The following ANP32A variants were observed in gnomAD, a reference collection of about 807,000 sequenced individuals.
ANP32A encodes the protein acidic leucine-rich nuclear phosphoprotein 32 family member A.
In ANP32A, 1 loss-of-function variant was observed where a neutral mutation model predicts 33.9. That is an observed-to-expected ratio of 0.03 (90% CI 0.01 to 0.14). The LOEUF is 0.14. Ranked by LOEUF, ANP32A falls within the 10% of genes least tolerant of loss-of-function variation. The pLI is 1.00. For missense variants in ANP32A, 155 were observed against 306.0 expected (o/e 0.51, Z 3.68); for synonymous variants, 115 against 120.5 (o/e 0.95, Z 0.30).
chr15:68,793,500 G>T (rs1407238674), intron 1 of ANP32A, among the ~76,000 whole-genome samples: 3 of 152,214 alleles, frequency 2.0e-5, no homozygotes, highest in Non-Finnish European at 4.4e-5. Context: ...AGACACGGAA[G>T]AAACAGTAAG....
At position 68,778,753 on chromosome 15, in the gene ANP32A, T is replaced by C. The variant is rs961962868; in HGVS notation, c.*1328A>G. On this transcript the variant is annotated 3_prime_UTR_variant, in exon 7 of 7. Coordinates refer to ENST00000465139, the MANE Select transcript of ANP32A (RefSeq NM_006305.4). The stretch of plus-strand genomic sequence containing the variant: ...GAGTCTTGCTTTAAGACCAAAAATA[T>C]CCAAACATAGTATCACATTATATAT... 16 of 152,060 alleles carry C rather than the reference T, an allele frequency of 1.1e-4. No individual in the cohort carries two copies. The highest frequency in any genetic ancestry group is 1.2e-4 in the Non-Finnish European group (8 of 68,018). 9.4% of individuals were successfully genotyped at this position (152,060 alleles called of 1,614,324 possible).
intron 4 of ANP32A, 165 bp downstream of exon 4, chr15:68,784,232 C>T (rs1893904807): frequency 1.9e-5 from 14 of 723,756 alleles, no homozygotes; most frequent in South Asian, 7.2e-5. Context: ...CAGCCCTACT[C>T]CCCTCCATAG....
rs1375938255 is a variant in ANP32A, at chr15:68,820,824, C to T, written c.-73G>A. On this transcript the variant is annotated 5_prime_UTR_variant, in exon 1 of 7. Transcript: ENST00000465139. Reference sequence around the variant, plus strand: ...TCAATAAACCCCGAACCCACGGCCGCGCGTTTTAGGACTTTGAAGGCTCAA... The same window carrying T: ...TCAATAAACCCCGAACCCACGGCCGTGCGTTTTAGGACTTTGAAGGCTCAA... 2 of 1,589,824 alleles carry T rather than the reference C, an allele frequency of 1.3e-6. No individual in the cohort carries two copies. The highest frequency in any genetic ancestry group is 2.7e-5 in the African/African-American group (2 of 74,418).
At chr15:68,807,340 G>C (rs950128856) in intron 1 of ANP32A, among the ~76,000 whole-genome samples, 1 of 146,016 alleles carries the variant, frequency 6.8e-6, no homozygotes, top group African/African-American at 2.4e-5. Flanking sequence ...GTGAGCCAGC[G>C]CGACAGCCCC....
chr15:68,811,248 T>C (rs1317001298), intron 1 of ANP32A, among the ~76,000 whole-genome samples: 1 of 150,416 alleles, frequency 6.6e-6, no homozygotes, highest in Non-Finnish European at 1.5e-5. Flanking sequence ...GGGAGAAGAG[T>C]GGGATGGGCA....
At chr15:68,793,121 A>G (rs538934688) in intron 1 of ANP32A, among the ~76,000 whole-genome samples, 1 of 152,256 alleles carries the variant, frequency 6.6e-6, no homozygotes, top group East Asian at 1.9e-4. Flanking sequence ...TCGTGTATTA[A>G]GCATCCGATC....
At chr15:68,784,650 G>A (rs1596063916) in intron 3 of ANP32A, 55 bp from the exon 4 acceptor site, 2 of 1,590,548 alleles carry the variant, frequency 1.3e-6, no homozygotes, top group East Asian at 4.5e-5. Flanking sequence ...GAAGGTGGAG[G>A]AACAGCCCTA....
At chr15:68,815,397 T>C (rs1159969632) in intron 1 of ANP32A, among the ~76,000 whole-genome samples, 1 of 151,140 alleles carries the variant, frequency 6.6e-6, no homozygotes. Context: ...GTTCAGAATA[T>C]ATTGAGTACA....
At chr15:68,797,473 T>C (rs1894078051) in intron 1 of ANP32A, among the ~76,000 whole-genome samples, 1 of 152,162 alleles carries the variant, frequency 6.6e-6, no homozygotes, top group Non-Finnish European at 1.5e-5. Flanking sequence ...TCAATCTTCC[T>C]AAAACGCTGC....
At chr15:68,809,350 T>C (rs914254284) in intron 1 of ANP32A, among the ~76,000 whole-genome samples, 5 of 152,236 alleles carry the variant, frequency 3.3e-5, no homozygotes, top group African/African-American at 1.2e-4. Flanking sequence ...GAGTGAACTT[T>C]AGTAACTGAA....
At position 68,782,980 on chromosome 15, in the gene ANP32A, C is replaced by T; in HGVS notation, c.600G>A (p.Glu200=). ...EDEDEEEEGE[E]EDVSGEEEED... ...CCTCCTCCTCTCCACTCACGTCCTC[C>T]TCTTCACCTTCCTCCTCCTCATCCT... Residue 200 remains glutamate (E), a synonymous_variant, in exon 5 of 7, where the codon GAG becomes GAA. Transcript: ENST00000465139. 1.3e-6 allele frequency: 2 copies of T among 1,551,942 alleles called. No homozygotes were observed. The highest frequency in any genetic ancestry group is 2.4e-5 in the East Asian group (1 of 40,914).
intron 1 of ANP32A, among the ~76,000 whole-genome samples, chr15:68,818,025 C>T (rs1462457212): frequency 2.0e-5 from 3 of 152,142 alleles, no homozygotes; most frequent in Non-Finnish European, 4.4e-5. Context: ...CCCGAGTGGG[C>T]CTAGCCGTTA....
intron 1 of ANP32A, 54 bp from the exon 2 acceptor site, chr15:68,787,973 G>C (rs1420864007): frequency 3.1e-6 from 5 of 1,610,930 alleles, no homozygotes; most frequent in Admixed American, 3.3e-5. Context: ...CTGAAGCAGG[G>C]GGAGGGTGTT....
chr15:68,791,041 G>A (rs1013198631), intron 1 of ANP32A: 4 of 152,322 alleles, frequency 2.6e-5, no homozygotes. Context: ...CCAAAGCAAA[G>A]CCGAGAAAGG....
intron 4 of ANP32A, among the ~76,000 whole-genome samples, 151 bp from the exon 5 acceptor site, chr15:68,783,204 T>A (rs763335777): frequency 6.6e-6 from 1 of 152,070 alleles, no homozygotes; most frequent in African/African-American, 2.4e-5. Context: ...CTAACTCTCA[T>A]GAAAACAGTG....
intron 4 of ANP32A, among the ~76,000 whole-genome samples, chr15:68,783,655 C>T (rs989133132): frequency 2.6e-5 from 4 of 152,194 alleles, no homozygotes; most frequent in East Asian, 3.8e-4. Flanking sequence ...TATCTGGCCA[C>T]GAAGATGCAT....
intron 1 of ANP32A, among the ~76,000 whole-genome samples, chr15:68,820,126 C>G (rs1482935915): frequency 6.6e-6 from 1 of 152,078 alleles, no homozygotes; most frequent in African/African-American, 2.4e-5. Context: ...CCGGGGGCCT[C>G]GGCCCACATT....
chr15:68,788,806 C>G (rs1331534302), intron 1 of ANP32A, among the ~76,000 whole-genome samples: 8 of 152,172 alleles, frequency 5.3e-5, no homozygotes, highest in African/African-American at 1.9e-4. Flanking sequence ...TGCTTGGAGG[C>G]ACCTCTGTGG....
chr15:68,792,941 T>C, intron 1 of ANP32A, among the ~76,000 whole-genome samples: 1 of 152,310 alleles, frequency 6.6e-6, no homozygotes, highest in African/African-American at 2.4e-5. Context: ...TTCCTACACA[T>C]GACCTCCAAG....
Sources: allele counts gnomAD v4.1 joint callset (sites outside exome capture counted in the v4.1 genomes callset), GRCh38; gene constraint gnomAD v4.1.1; transcripts MANE v1.5; gene names NCBI Gene and HGNC (gene_info 2026-07-23, HGNC 2026-07-21).